SLC25A26: variants seen among roughly 807,000 people sequenced by gnomAD.
The protein encoded by SLC25A26 is mitochondrial S-adenosylmethionine carrier protein.
SLC25A26 carries 36 observed loss-of-function variants against 37.8 expected under a neutral mutation model. The observed-to-expected ratio is 0.95, with a 90% CI of 0.73 to 1.26. The LOEUF is 1.26. Ranked by LOEUF, SLC25A26 falls within the 50% of genes most tolerant of loss-of-function variation. The pLI is 0.00. For synonymous variants in SLC25A26, 129 were observed against 122.5 expected, an observed-to-expected ratio of 1.05 and a Z score of -0.35; for missense variants, 390 against 331.1, an observed-to-expected ratio of 1.18 and a Z score of -1.38.
chr3:66,204,537 G>A (rs2071153589), intron 1 of SLC25A26, among the ~76,000 whole-genome samples: 2 of 151,976 alleles, frequency 1.3e-5, no homozygotes, highest in Non-Finnish European at 2.9e-5. Flanking sequence ...ATCAACTCCT[G>A]GAGGTTTATC....
At chr3:66,302,162 C>G (rs935559884) in intron 5 of SLC25A26, among the ~76,000 whole-genome samples, 1 of 152,212 alleles carries the variant, frequency 6.6e-6, no homozygotes, top group African/African-American at 2.4e-5. Flanking sequence ...AGAAGTATAT[C>G]CTGAACCTTC....
At chr3:66,280,190 T>G (rs2074289877) in intron 5 of SLC25A26, among the ~76,000 whole-genome samples, 1 of 152,222 alleles carries the variant, frequency 6.6e-6, no homozygotes, top group African/African-American at 2.4e-5. Flanking sequence ...AAAGGTCTGG[T>G]ATATAGTTGC....
chr3:66,360,480 T>C (rs2076672665), intron 6 of SLC25A26, among the ~76,000 whole-genome samples: 1 of 152,172 alleles, frequency 6.6e-6, no homozygotes, highest in Non-Finnish European at 1.5e-5. Flanking sequence ...TACGGTCATC[T>C]ATGTCGAAAA....
At chr3:66,233,208 C>G (rs2106984063) in intron 1 of SLC25A26, among the ~76,000 whole-genome samples, 1 of 152,356 alleles carries the variant, frequency 6.6e-6, no homozygotes, top group Non-Finnish European at 1.5e-5. Context: ...GCATGTAATT[C>G]TGACCTATAA....
intron 1 of SLC25A26, among the ~76,000 whole-genome samples, chr3:66,203,471 T>C (rs2071135239): frequency 6.6e-6 from 1 of 152,002 alleles, no homozygotes; most frequent in African/African-American, 2.4e-5. Flanking sequence ...ATACAAAAAC[T>C]GCTGACTAAA....
chr3:66,218,748 A>T (rs993542175), upstream of SLC25A26, among the ~76,000 whole-genome samples: 9 of 152,226 alleles, frequency 5.9e-5, no homozygotes, highest in African/African-American at 2.2e-4. Context: ...TATATCATGA[A>T]GACACTCAAG....
rs1223884103 is a variant in SLC25A26, at chr3:66,251,361, G to T, written c.300+8049G>T. Among the ~76,000 whole-genome samples the T allele has an allele frequency of 5.3e-5, 8 of 152,122 alleles. No homozygotes were observed. The East Asian group carries it at 1.5e-3, about 29-fold the overall frequency. ...CAAGAGATGTTAAAGAGGTAGAGCT[G>T]GTGGAAAGATGATCATTCTTTCAGG... On this transcript the variant is annotated intron_variant, in intron 3 of 9. Transcript: ENST00000354883.
At chr3:66,243,074 A>C (rs1463476922) in intron 2 of SLC25A26, 129 bp from the exon 3 acceptor site, 7 of 567,794 alleles carry the variant, frequency 1.2e-5, no homozygotes, top group Non-Finnish European at 2.2e-5. Context: ...AAGAAAAGAT[A>C]TGTGCTTATC....
rs534610885 is a variant in SLC25A26, at chr3:66,347,133, T to G, written c.498+725T>G. On this transcript the variant is annotated intron_variant, in intron 6 of 9. Coordinates refer to ENST00000354883, the MANE Select transcript of SLC25A26 (RefSeq NM_001379210.1). ...CCAAAATTGACAAATGGGATCTAAT[T>G]AAACTAAAGAGCTTCTGCACAGCAA... Among the ~76,000 whole-genome samples, 10 of 152,164 alleles carry G rather than the reference T, an allele frequency of 6.6e-5. No individual in the cohort carries two copies. The East Asian group carries it at 1.9e-3, about 29-fold the overall frequency.
intron 1 of SLC25A26, among the ~76,000 whole-genome samples, chr3:66,153,184 A>G (rs960068581): frequency 1.3e-5 from 2 of 152,122 alleles, no homozygotes; most frequent in African/African-American, 4.8e-5. Context: ...TGGTGTTACT[A>G]CTGATATCTA....
intron 5 of SLC25A26, among the ~76,000 whole-genome samples, chr3:66,273,710 T>G (rs1208498057): frequency 2.0e-5 from 3 of 152,108 alleles, no homozygotes; most frequent in Non-Finnish European, 1.5e-5. Flanking sequence ...AAGGACCTCT[T>G]CAAGGAGAAC....
intron 1 of SLC25A26, among the ~76,000 whole-genome samples, chr3:66,209,085 AAG>A (rs1559577582): frequency 5.5e-3 from 74 of 13,404 alleles, no homozygotes; most frequent in South Asian, 9.8e-3. Context: ...CACCCATATA[AAG>A]ATGTATATAT....
chr3:66,202,276 C>T (rs1158378345), intron 1 of SLC25A26, among the ~76,000 whole-genome samples: 2 of 152,064 alleles, frequency 1.3e-5, no homozygotes, highest in African/African-American at 4.8e-5. Context: ...AAACCAAACA[C>T]CACATGTTCT....
At chr3:66,176,206 G>T (rs2070584630) in intron 1 of SLC25A26, among the ~76,000 whole-genome samples, 3 of 152,154 alleles carry the variant, frequency 2.0e-5, no homozygotes, top group Non-Finnish European at 4.4e-5. Flanking sequence ...ACAAGAATAA[G>T]CTACATCTCT....
intron 5 of SLC25A26, among the ~76,000 whole-genome samples, chr3:66,284,866 C>T (rs1345650133): frequency 2.6e-5 from 4 of 152,160 alleles, no homozygotes; most frequent in African/African-American, 9.7e-5. Flanking sequence ...TGCAAAAATT[C>T]ATTGAGCTAT....
chr3:66,202,436 T>C (rs1439889922), intron 1 of SLC25A26, among the ~76,000 whole-genome samples: 1 of 150,490 alleles, frequency 6.6e-6, no homozygotes, highest in Admixed American at 6.7e-5. Flanking sequence ...ACCTAGATGA[T>C]GGCTTCATGG....
At chr3:66,286,974 T>G (rs931116806) in intron 5 of SLC25A26, among the ~76,000 whole-genome samples, 1 of 152,116 alleles carries the variant, frequency 6.6e-6, no homozygotes, top group Admixed American at 6.5e-5. Context: ...GTTTGTTTTT[T>G]TTAATTGATA....
At chr3:66,161,663 C>G (rs779169299) in intron 1 of SLC25A26, among the ~76,000 whole-genome samples, 1 of 152,150 alleles carries the variant, frequency 6.6e-6, no homozygotes, top group Non-Finnish European at 1.5e-5. Flanking sequence ...TTTTGTTTGC[C>G]TGAATTATCT....
intron 5 of SLC25A26, among the ~76,000 whole-genome samples, chr3:66,304,795 A>G (rs778674443): frequency 2.6e-5 from 4 of 152,202 alleles, no homozygotes; most frequent in Non-Finnish European, 5.9e-5. Flanking sequence ...ACTTTGCAGA[A>G]TTATCCTGTT....
Sources: gnomAD v4.1 joint callset for allele counts (sites outside exome capture counted in the v4.1 genomes callset) on GRCh38, gnomAD v4.1.1 for gene constraint, MANE v1.5 for transcripts, NCBI Gene and HGNC (gene_info 2026-07-23, HGNC 2026-07-21) for gene names.